ASTN2: variants seen among roughly 807,000 people sequenced by gnomAD.
ASTN2 encodes astrotactin-2.
A neutral mutation model predicts 139.8 loss-of-function variants in ASTN2; 54 were observed. The observed-to-expected ratio is 0.39, with a 90% confidence interval of 0.31 to 0.48. The LOEUF (loss-of-function observed/expected upper bound fraction) is 0.48. ASTN2 is among the 20% of genes least tolerant of loss of function. The pLI, the probability that ASTN2 is intolerant of heterozygous loss-of-function variation, is 0.95. For synonymous variants in ASTN2, 756 were observed against 719.5 expected (o/e 1.05, Z -0.81); for missense variants, 1,565 against 1,725.1 (o/e 0.91, Z 1.64).
chr9:117,187,474 G>C (rs1034115826), intron 3 of ASTN2, among the ~76,000 whole-genome samples: 7 of 152,056 alleles, frequency 4.6e-5, no homozygotes, highest in African/African-American at 7.3e-5. Flanking sequence ...TTGAGAGATG[G>C]GGCCTTTGAG....
Position 116,542,977 on chromosome 9 carries a change from T to C in ASTN2, c.3356-55477A>G, listed in dbSNP as rs758853091. Reference sequence around the variant, plus strand: ...TTTGGTATAAGCTTGATGTTCACCTTTGGAATCATCCAGCTGAAAAAAAAA... The same window carrying C: ...TTTGGTATAAGCTTGATGTTCACCTCTGGAATCATCCAGCTGAAAAAAAAA... On this transcript the variant is annotated intron_variant, in intron 19 of 22. Coordinates refer to ENST00000313400, the MANE Select transcript of ASTN2 (RefSeq NM_001365068.1). 1.8e-4 allele frequency among the ~76,000 whole-genome samples: 25 copies of C among 141,268 alleles called. 1 individual carries two copies. The Middle Eastern group carries it at 0.025, about 141-fold the overall frequency. The allele number at this position is 141,268 out of a possible 152,430, so 92.7% of individuals were successfully genotyped here.
At chr9:116,578,747 T>C (rs1170493103) in intron 19 of ASTN2, among the ~76,000 whole-genome samples, 1 of 149,800 alleles carries the variant, frequency 6.7e-6, no homozygotes, top group Non-Finnish European at 1.5e-5. Flanking sequence ...CACTTTATTT[T>C]AAAAAGCTGC....
At position 117,246,037 on chromosome 9, in the gene ASTN2, C is replaced by T. The variant is rs191959716; in HGVS notation, c.631-31295G>A. On this transcript the variant is annotated intron_variant, in intron 2 of 22. Coordinates refer to ENST00000313400, the MANE Select transcript of ASTN2 (RefSeq NM_001365068.1). ...CTTGCTTACAACTATGTCCCTGATG[C>T]GTGGCATAGTGCATGGCACAGACAA... Among the ~76,000 whole-genome samples, 8 of 152,238 alleles carry T rather than the reference C, an allele frequency of 5.3e-5. No individual in the cohort carries two copies. In the East Asian group the frequency reaches 1.2e-3, roughly 22 times the overall value.
At chr9:116,543,094 G>A (rs770743368) in intron 19 of ASTN2, among the ~76,000 whole-genome samples, 6 of 151,404 alleles carry the variant, frequency 4.0e-5, no homozygotes, top group East Asian at 3.9e-4. Flanking sequence ...AAGACCATCC[G>A]GCACATTTTT....
intron 18 of ASTN2, 101 bp downstream of exon 18, chr9:116,620,209 G>A (rs1448323957): frequency 2.6e-6 from 4 of 1,540,234 alleles, no homozygotes; most frequent in Non-Finnish European, 3.6e-6. Context: ...ATCTTGTTAG[G>A]CACCTTGGGA....
intron 19 of ASTN2, among the ~76,000 whole-genome samples, chr9:116,563,982 T>C (rs965521993): frequency 5.3e-5 from 8 of 152,116 alleles, no homozygotes; most frequent in African/African-American, 1.7e-4. Context: ...AGAAGAGAGG[T>C]AGAGGACAAG....
intron 10 of ASTN2, among the ~76,000 whole-genome samples, chr9:116,898,673 GT>G (rs145276356): frequency 0.025 from 3,802 of 152,050 alleles, 148 homozygotes; most frequent in African/African-American, 0.084. Context: ...TTCCTTTTAT[GT>G]TTTTTATTTT....
chr9:117,119,986 T>TTGTGTGTGTG lies in ASTN2; in HGVS notation c.1168+21339_1168+21340insCACACACACA, dbSNP rs1321670412. On this transcript the variant is annotated intron_variant, in intron 4 of 22. Transcript: ENST00000313400. ...ATCATATATAGATATCTCTATATAT[T>TTGTGTGTGTG]TGTATGTGTGTGTGTGTGTGTGTGT... 1.0e-4 allele frequency among the ~76,000 whole-genome samples: 8 copies of TTGTGTGTGTG among 79,914 alleles called. 1 individual carries two copies. The highest frequency in any genetic ancestry group is 9.3e-4 in the East Asian group (2 of 2,150). The allele number at this position is 79,914 out of a possible 152,430, so 52.4% of individuals were successfully genotyped here. A position where few individuals can be genotyped will look rare whatever the true frequency, so the allele number is the denominator to read the frequency against.
At chr9:116,948,880 C>A (rs138135524) in intron 10 of ASTN2, among the ~76,000 whole-genome samples, 128 of 143,424 alleles carry the variant, frequency 8.9e-4, no homozygotes, top group Middle Eastern at 3.8e-3. Context: ...GCAACCTCCA[C>A]CTCCTGGTTT....
chr9:117,309,615 A>T (rs1373378941), intron 1 of ASTN2, among the ~76,000 whole-genome samples: 2 of 152,212 alleles, frequency 1.3e-5, no homozygotes, highest in African/African-American at 4.8e-5. Context: ...CCCTAAGGTT[A>T]TAGGATTAGC....
intron 1 of ASTN2, among the ~76,000 whole-genome samples, chr9:117,312,277 A>C (rs1191389287): frequency 8.5e-5 from 13 of 152,176 alleles, no homozygotes; most frequent in Admixed American, 8.5e-4. Flanking sequence ...CAAAGTAATA[A>C]ATAGAGAATC....
intron 1 of ASTN2, among the ~76,000 whole-genome samples, chr9:117,300,536 G>A (rs940398221): frequency 2.0e-5 from 3 of 152,188 alleles, no homozygotes; most frequent in Non-Finnish European, 2.9e-5. Flanking sequence ...CCACAAGATA[G>A]GAGGTACAGC....
intron 11 of ASTN2, among the ~76,000 whole-genome samples, chr9:116,858,107 C>G (rs924956010): frequency 1.4e-4 from 21 of 152,302 alleles, no homozygotes; most frequent in African/African-American, 4.6e-4. Context: ...TAGCCCCAGA[C>G]AGGTAATAAA....
At chr9:116,901,773 C>G (rs139188622) in intron 10 of ASTN2, among the ~76,000 whole-genome samples, 2 of 152,274 alleles carry the variant, frequency 1.3e-5, no homozygotes, top group Admixed American at 1.3e-4. Context: ...CGGTGGCTCA[C>G]GCCTGTAATC....
chr9:116,517,476 CA>C (rs1410538605), intron 19 of ASTN2, among the ~76,000 whole-genome samples: 1 of 152,196 alleles, frequency 6.6e-6, no homozygotes, highest in Non-Finnish European at 1.5e-5. Context: ...ATTAAGGGAG[CA>C]CCCCATGGGA....
At chr9:116,683,391 T>G (rs1366553501) in intron 16 of ASTN2, among the ~76,000 whole-genome samples, 2 of 152,190 alleles carry the variant, frequency 1.3e-5, no homozygotes, top group Non-Finnish European at 2.9e-5. Flanking sequence ...TATATAAAAG[T>G]GTTGTATGCC....
intron 19 of ASTN2, among the ~76,000 whole-genome samples, chr9:116,574,394 C>T (rs1445736696): frequency 6.6e-6 from 1 of 152,190 alleles, no homozygotes; most frequent in African/African-American, 2.4e-5. Flanking sequence ...ACTCAAAGGC[C>T]AGTGCCAGGC....
At chr9:117,262,646 G>T (rs1833852198) in intron 2 of ASTN2, among the ~76,000 whole-genome samples, 1 of 152,062 alleles carries the variant, frequency 6.6e-6, no homozygotes, top group Admixed American at 6.6e-5. Context: ...AACCCCCAAA[G>T]ATGTCCAAGT....
intron 19 of ASTN2, among the ~76,000 whole-genome samples, chr9:116,604,099 C>T (rs1332656048): frequency 6.6e-6 from 1 of 152,168 alleles, no homozygotes; most frequent in Admixed American, 6.5e-5. Context: ...TTGTACCACT[C>T]TCCTTGTTGA....
Sources: allele counts gnomAD v4.1 joint callset (sites outside exome capture counted in the v4.1 genomes callset), GRCh38; gene constraint gnomAD v4.1.1; transcripts MANE v1.5; gene names NCBI Gene and HGNC (gene_info 2026-07-23, HGNC 2026-07-21).